Variants in NFASC observed in about 807,000 individuals in gnomAD.
NFASC encodes the protein neurofascin.
A neutral mutation model predicts 147.5 loss-of-function variants in NFASC; 43 were observed. The observed-to-expected ratio is 0.29, with a 90% CI of 0.23 to 0.38. The LOEUF (loss-of-function observed/expected upper bound fraction) is 0.38, where lower values mean the gene tolerates loss of function less well. NFASC is among the 10% of genes least tolerant of loss of function. NFASC has a pLI of 1.00. For missense variants in NFASC, 1,320 were observed against 1,689.0 expected (o/e 0.78, Z 3.83); for synonymous variants, 622 against 665.5 (o/e 0.93, Z 1.01).
chr1:205,013,877 G>A (rs1231054115), intron 29 of NFASC, among the ~76,000 whole-genome samples: 1 of 152,176 alleles, frequency 6.6e-6, no homozygotes, highest in Non-Finnish European at 1.5e-5. Flanking sequence ...AGATCAATGT[G>A]TGGTGGAGCC....
Position 204,887,162 on chromosome 1 carries a change from TC to T in NFASC, c.-199-33465del, listed in dbSNP as rs550448952. Among the ~76,000 whole-genome samples, 188 of 152,216 alleles carry T rather than the reference TC, an allele frequency of 1.2e-3. 2 individuals carry two copies. Among genetic ancestry groups the T allele is most frequent in the African/African-American group, 4.4e-3 (181 of 41,538 alleles). ...TAAACAATAACTCCCTATTCCCTCC[TC>T]CCCCAAGCACCTGGGAACCGTCATT... On this transcript the variant is annotated intron_variant, in intron 1 of 29. Transcript: ENST00000339876.
chr1:204,997,510 G>A, intron 25 of NFASC, 104 bp downstream of exon 25: 4 of 1,311,452 alleles, frequency 3.1e-6, no homozygotes, highest in South Asian at 2.5e-5. Context: ...GGTCTGGGGT[G>A]GTGTTTGCCA....
rs755611785 is a variant in NFASC at position 205,016,202 on chromosome 1, C to T, written c.3492-106C>T. 95 of 775,578 alleles carry T rather than the reference C, an allele frequency of 1.2e-4. No homozygotes were observed. The East Asian group carries it at 1.8e-3, about 15-fold the overall frequency. The allele number at this position is 775,578 out of a possible 1,614,324, so 48.0% of individuals were successfully genotyped here. A position where few individuals can be genotyped will look rare whatever the true frequency, so the allele number is the denominator to read the frequency against. ...AGGGTGAAGCGGGGGCTGGACTGGG[C>T]GGTCTCCTGGATCCCATCCTCTCTG... is the stretch of plus-strand genomic sequence containing the variant. On this transcript the variant is annotated intron_variant, in intron 29 of 29. Transcript: ENST00000339876. The surrounding 1 kb of genome is among the most constrained non-coding windows in gnomAD (Gnocchi z 5.1).
Position 204,954,058 on chromosome 1 carries a change from T to C in NFASC, c.216-130T>C. Reference sequence around the variant, plus strand: ...GCTCAGCCAGGCTGAGACCTGTTGGTATGGGGTGCCACGATGGGACTGAGA... The same window carrying C: ...GCTCAGCCAGGCTGAGACCTGTTGGCATGGGGTGCCACGATGGGACTGAGA... On this transcript the variant is annotated intron_variant, in intron 5 of 29. Coordinates refer to ENST00000339876, the MANE Select transcript of NFASC (RefSeq NM_001005388.3). This position sits in a 1 kb window ranked among gnomAD's most constrained non-coding sequence, Gnocchi z 5.7. 2 of 743,482 alleles carry C rather than the reference T, an allele frequency of 2.7e-6. No individual in the cohort carries two copies. The highest frequency in any genetic ancestry group is 4.6e-6 in the Non-Finnish European group (2 of 437,562). The allele number at this position is 743,482 out of a possible 1,614,324, so 46.1% of individuals were successfully genotyped here.
intron 1 of NFASC, among the ~76,000 whole-genome samples, chr1:204,865,675 A>G (rs1280588071): frequency 6.6e-6 from 1 of 152,200 alleles, no homozygotes; most frequent in Non-Finnish European, 1.5e-5. Flanking sequence ...TTTGATTACC[A>G]TAGCTTTGTA....
intron 1 of NFASC, among the ~76,000 whole-genome samples, chr1:204,905,902 C>T (rs1039835620): frequency 5.3e-5 from 8 of 152,098 alleles, no homozygotes; most frequent in South Asian, 4.1e-4. Context: ...ATAAGAAATC[C>T]TTTGCCAACA....
chr1:204,904,221 C>G (rs1437034357), intron 1 of NFASC, among the ~76,000 whole-genome samples: 1 of 152,164 alleles, frequency 6.6e-6, no homozygotes, highest in East Asian at 1.9e-4. Context: ...CCTCAGCCTC[C>G]TGGGTAGCTG....
At chr1:204,884,175 G>A (rs2080872780) in intron 1 of NFASC, among the ~76,000 whole-genome samples, 1 of 152,148 alleles carries the variant, frequency 6.6e-6, no homozygotes, top group African/African-American at 2.4e-5. Context: ...TGTTTTCAGG[G>A]GTGAGGGGTG....
intron 1 of NFASC, among the ~76,000 whole-genome samples, chr1:204,846,126 G>A (rs563145456): frequency 6.6e-6 from 1 of 152,000 alleles, no homozygotes; most frequent in East Asian, 1.9e-4. Flanking sequence ...GGAGGCTGAG[G>A]TGGGAGGATT....
chr1:204,948,823 G>A (rs1295508243), intron 3 of NFASC, among the ~76,000 whole-genome samples: 2 of 152,186 alleles, frequency 1.3e-5, no homozygotes, highest in Non-Finnish European at 2.9e-5. Flanking sequence ...ACCAGGGTGA[G>A]ACCCCAAAAA....
chr1:204,995,530 G>A (rs1295066839), intron 24 of NFASC, among the ~76,000 whole-genome samples: 1 of 152,142 alleles, frequency 6.6e-6, no homozygotes, highest in Non-Finnish European at 1.5e-5. Context: ...TCTGTGGGTT[G>A]ACCGGGGTTT....
chr1:204,894,082 A>G (rs577451753), intron 1 of NFASC, among the ~76,000 whole-genome samples: 1 of 152,296 alleles, frequency 6.6e-6, no homozygotes, highest in East Asian at 1.9e-4. Flanking sequence ...TTGTACCTGG[A>G]TGTATCACCT....
At chr1:204,882,380 CTCT>C (rs1245817315) in intron 1 of NFASC, among the ~76,000 whole-genome samples, 3 of 152,214 alleles carry the variant, frequency 2.0e-5, no homozygotes, top group Admixed American at 1.3e-4. Flanking sequence ...TTCCAGCCAG[CTCT>C]AGCCTTGGGG....
chr1:204,960,065 G>A (rs1044009755), intron 8 of NFASC, among the ~76,000 whole-genome samples: 7 of 152,162 alleles, frequency 4.6e-5, no homozygotes. Flanking sequence ...AAATAGCACA[G>A]TGGTGCTCTC....
intron 3 of NFASC, chr1:204,946,333 A>G (rs1211497849): frequency 7.8e-6 from 4 of 513,638 alleles, no homozygotes; most frequent in African/African-American, 1.9e-5. Flanking sequence ...CATAGGTGTT[A>G]TCCTTAGCCT....
chr1:204,987,704 A>G lies in NFASC; in HGVS notation c.2593+164A>G, dbSNP rs1574183137. On this transcript the variant is annotated intron_variant, in intron 22 of 29. Transcript: ENST00000339876. This position sits in a 1 kb window ranked among gnomAD's most constrained non-coding sequence, Gnocchi z 4.4. ...TTCCCAATAGGATTAGGGGAGGCAGATGGGACTCAATCCCTGCTCTCCTTT... is the reference window on the plus strand; with the variant it reads ...TTCCCAATAGGATTAGGGGAGGCAGGTGGGACTCAATCCCTGCTCTCCTTT... Among the ~76,000 whole-genome samples, 2 of 152,296 alleles carry G rather than the reference A, an allele frequency of 1.3e-5. No homozygotes were observed. Among genetic ancestry groups the G allele is most frequent in the South Asian group, 2.1e-4 (1 of 4,824 alleles).
At chr1:205,009,067 T>C in intron 27 of NFASC, 1 of 222,180 alleles carries the variant, frequency 4.5e-6, no homozygotes, top group Non-Finnish European at 9.1e-6. Flanking sequence ...GCCGTGTGCC[T>C]GTGCAGGCCT....
intron 3 of NFASC, among the ~76,000 whole-genome samples, chr1:204,947,397 G>A (rs74138671): frequency 0.022 from 3,408 of 152,232 alleles, 139 homozygotes; most frequent in African/African-American, 0.078. Flanking sequence ...CATTCTTAAC[G>A]TTCTCGCCCT....
At chr1:204,849,751 A>C (rs2102651111) in intron 1 of NFASC, among the ~76,000 whole-genome samples, 1 of 152,290 alleles carries the variant, frequency 6.6e-6, no homozygotes, top group African/African-American at 2.4e-5. Flanking sequence ...GTGGTAAGGG[A>C]CTGCCTTCCC....
Sources: gnomAD v4.1 joint callset for allele counts (sites outside exome capture counted in the v4.1 genomes callset) on GRCh38, gnomAD v4.1.1 for gene constraint, Gnocchi (gnomAD v3.1) non-coding constraint, MANE v1.5 for transcripts, NCBI Gene and HGNC (gene_info 2026-07-23, HGNC 2026-07-21) for gene names.